NLGN1: variants seen among roughly 807,000 people sequenced by gnomAD.
NLGN1 encodes the protein neuroligin-1.
In NLGN1, 12 loss-of-function variants were observed where a neutral mutation model predicts 65.5. The observed-to-expected ratio is 0.18, with a 90% CI of 0.12 to 0.30. NLGN1 has a LOEUF of 0.30. NLGN1 is among the 10% of genes least tolerant of loss of function. The pLI is 1.00. For missense variants in NLGN1, 750 were observed against 1,007.1 expected, an observed-to-expected ratio of 0.74 and a Z score of 3.46; for synonymous variants, 350 against 359.5, an observed-to-expected ratio of 0.97 and a Z score of 0.30.
chr3:174,197,635 G>A (rs768562703), intron 4 of NLGN1, among the ~76,000 whole-genome samples: 21 of 151,612 alleles, frequency 1.4e-4, no homozygotes, highest in Non-Finnish European at 2.6e-4. Flanking sequence ...TGTTCAATGA[G>A]GACAATACTT....
At chr3:173,970,079 T>A (rs1016747145) in intron 4 of NLGN1, among the ~76,000 whole-genome samples, 4 of 152,194 alleles carry the variant, frequency 2.6e-5, no homozygotes, top group Non-Finnish European at 5.9e-5. Flanking sequence ...ACAGTTTCTT[T>A]TTTAACTTCT....
chr3:173,759,055 A>T (rs1777564686), intron 3 of NLGN1, among the ~76,000 whole-genome samples: 1 of 151,836 alleles, frequency 6.6e-6, no homozygotes, highest in Admixed American at 6.6e-5. Flanking sequence ...TTTCTTCTAC[A>T]TCCCACATTT....
At chr3:173,540,716 C>T (rs1738718445) in intron 2 of NLGN1, among the ~76,000 whole-genome samples, 1 of 152,144 alleles carries the variant, frequency 6.6e-6, no homozygotes. Flanking sequence ...TATTGAAAAG[C>T]AAGTGTTCTT....
chr3:173,465,463 T>C (rs1280874636), intron 2 of NLGN1, among the ~76,000 whole-genome samples: 3 of 152,200 alleles, frequency 2.0e-5, no homozygotes, highest in Non-Finnish European at 4.4e-5. Flanking sequence ...ATTACAAAAG[T>C]TATTTGAGAA....
At chr3:173,704,821 T>G (rs1014400838) in intron 3 of NLGN1, among the ~76,000 whole-genome samples, 7 of 152,202 alleles carry the variant, frequency 4.6e-5, no homozygotes, top group Non-Finnish European at 1.0e-4. Flanking sequence ...CCTTCTCACA[T>G]GAAGTTACAG....
chr3:173,591,502 T>C (rs1194942140), intron 2 of NLGN1, among the ~76,000 whole-genome samples: 1 of 152,138 alleles, frequency 6.6e-6, no homozygotes, highest in Non-Finnish European at 1.5e-5. Context: ...CCTTAAACAA[T>C]AGTCACCACA....
chr3:173,976,493 C>T (rs766866603), intron 4 of NLGN1, among the ~76,000 whole-genome samples: 1 of 152,034 alleles, frequency 6.6e-6, no homozygotes, highest in Non-Finnish European at 1.5e-5. Context: ...TTTAACCAAT[C>T]AAGCTGGAGG....
chr3:173,401,069 AGAT>A lies in NLGN1; in HGVS notation c.-390+2583_-390+2585del, dbSNP rs547001001. Among the ~76,000 whole-genome samples the A allele has an allele frequency of 1.4e-4, 22 of 152,326 alleles. No homozygotes were observed. The South Asian group carries it at 4.6e-3, about 32-fold the overall frequency. On this transcript the variant is annotated intron_variant, in intron 1 of 6. Transcript: ENST00000457714. ...TTGGGGCCCAAAATGGGGGAGAAGA[AGAT>A]AACAGTATTCTACCTCAGGGTTTCT...
In NLGN1 at chr3:173,420,087, T is replaced by C. The variant is rs182426352; in HGVS notation, c.-389-14923T>C. Among the ~76,000 whole-genome samples, 12 of 151,840 alleles carry C rather than the reference T, an allele frequency of 7.9e-5. 1 individual carries two copies. The East Asian group carries it at 2.3e-3, about 29-fold the overall frequency. On this transcript the variant is annotated intron_variant, in intron 1 of 6. Coordinates refer to ENST00000457714, the Ensembl canonical transcript of NLGN1. ...TTTCTTTTTTTTTTCATTATTATTA[T>C]TATTATACTTTAAGTTTTAGGGTAC...
intron 4 of NLGN1, among the ~76,000 whole-genome samples, chr3:174,225,924 A>G (rs1287957664): frequency 6.6e-6 from 1 of 152,166 alleles, no homozygotes; most frequent in Non-Finnish European, 1.5e-5. Flanking sequence ...AAAAATTTCT[A>G]GAGCAGAAAT....
intron 4 of NLGN1, among the ~76,000 whole-genome samples, chr3:174,089,765 C>T (rs1278473232): frequency 6.6e-6 from 1 of 152,168 alleles, no homozygotes; most frequent in Non-Finnish European, 1.5e-5. Flanking sequence ...TGCAGATCCA[C>T]TTAATCCAAT....
chr3:173,773,998 G>A (rs571490356), intron 3 of NLGN1, among the ~76,000 whole-genome samples: 1 of 152,190 alleles, frequency 6.6e-6, no homozygotes, highest in African/African-American at 2.4e-5. Context: ...GTGGTAATAT[G>A]TGTGCGTGTC....
At chr3:173,451,169 T>G (rs1461271521) in intron 2 of NLGN1, among the ~76,000 whole-genome samples, 3 of 152,162 alleles carry the variant, frequency 2.0e-5, no homozygotes, top group Non-Finnish European at 4.4e-5. Context: ...TTCTGCTCTG[T>G]TTTTTCCTCA....
chr3:174,007,968 GTGT>G (rs1481412493), intron 4 of NLGN1, among the ~76,000 whole-genome samples: 12 of 151,932 alleles, frequency 7.9e-5, no homozygotes, highest in Admixed American at 1.3e-4. Flanking sequence ...GTGTGTGTGT[GTGT>G]GTGTGTGTGT....
intron 4 of NLGN1, among the ~76,000 whole-genome samples, chr3:173,970,470 T>C (rs1040206493): frequency 1.3e-5 from 2 of 152,020 alleles, no homozygotes; most frequent in Non-Finnish European, 2.9e-5. Context: ...GTCCAGATGT[T>C]TTATGGGTAG....
chr3:174,174,414 G>T (rs1335485148), intron 4 of NLGN1, among the ~76,000 whole-genome samples: 2 of 152,002 alleles, frequency 1.3e-5, no homozygotes, highest in Non-Finnish European at 2.9e-5. Flanking sequence ...TTTCATAGTG[G>T]TTGTACTAGT....
At chr3:174,124,594 CGT>C (rs1561100396) in intron 4 of NLGN1, among the ~76,000 whole-genome samples, 9 of 78,862 alleles carry the variant, frequency 1.1e-4, no homozygotes, top group African/African-American at 1.1e-3. Context: ...CGTATATATA[CGT>C]ATACATATAT....
chr3:174,184,720 A>G (rs919700866), intron 4 of NLGN1, among the ~76,000 whole-genome samples: 3 of 152,192 alleles, frequency 2.0e-5, no homozygotes, highest in Non-Finnish European at 4.4e-5. Context: ...GTCAGGAGAC[A>G]ATACTAAATG....
At chr3:173,441,410 A>C (rs575663651) in intron 2 of NLGN1, among the ~76,000 whole-genome samples, 19 of 152,228 alleles carry the variant, frequency 1.2e-4, no homozygotes, top group Admixed American at 9.2e-4. Flanking sequence ...TCCTCACCAA[A>C]CTTAAGTATT....
Sources: gnomAD v4.1 joint callset for allele counts (sites outside exome capture counted in the v4.1 genomes callset) on GRCh38, gnomAD v4.1.1 for gene constraint, MANE v1.5 for transcripts, NCBI Gene and HGNC (gene_info 2026-07-23, HGNC 2026-07-21) for gene names.